NBEA: variants seen among roughly 807,000 people sequenced by gnomAD.
The protein encoded by NBEA is lysosomal-trafficking regulator 2.
In NBEA, 44 loss-of-function variants were observed where a neutral mutation model predicts 343.4. The observed-to-expected ratio is 0.13, with a 90% confidence interval of 0.10 to 0.16. The LOEUF (loss-of-function observed/expected upper bound fraction) is 0.16, where lower values mean the gene tolerates loss of function less well. NBEA is among the 10% of genes least tolerant of loss of function. The pLI is 1.00. For synonymous variants in NBEA, 1,175 were observed against 1,238.7 expected (o/e 0.95, Z 1.08); for missense variants, 2,555 against 3,631.3 (o/e 0.70, Z 7.62).
chr13:35,481,725 G>A (rs1160524625), intron 41 of NBEA, among the ~76,000 whole-genome samples: 4 of 151,736 alleles, frequency 2.6e-5, no homozygotes, highest in East Asian at 3.9e-4. Context: ...ATTCAGACAG[G>A]ATAAATGGGC....
intron 38 of NBEA, among the ~76,000 whole-genome samples, chr13:35,411,973 T>A (rs1043119397): frequency 2.0e-5 from 3 of 152,150 alleles, no homozygotes; most frequent in African/African-American, 7.2e-5. Context: ...TTAGTTCAGT[T>A]GTAGCAGCAC....
chr13:34,973,078 A>G (rs2060050688), intron 1 of NBEA, among the ~76,000 whole-genome samples: 1 of 151,942 alleles, frequency 6.6e-6, no homozygotes, highest in South Asian at 2.1e-4. Flanking sequence ...GGTCCACTGC[A>G]GTCCTTAGTC....
At chr13:34,965,200 C>G (rs1298481521) in intron 1 of NBEA, among the ~76,000 whole-genome samples, 2 of 151,928 alleles carry the variant, frequency 1.3e-5, no homozygotes, top group Non-Finnish European at 2.9e-5. Flanking sequence ...ATGCCCAACT[C>G]TGAGGACAGA....
At chr13:35,275,719 G>A (rs1021251608) in intron 34 of NBEA, among the ~76,000 whole-genome samples, 1 of 152,140 alleles carries the variant, frequency 6.6e-6, no homozygotes, top group Admixed American at 6.6e-5. Context: ...TTTCTCAAAA[G>A]AAGACATTTA....
In NBEA at chr13:35,041,028, A is replaced by C. The variant is rs1407565584; in HGVS notation, c.390A>C (p.Val130=). The change falls in exon 2 of 59, where the codon GTA becomes GTC. Residue 130 remains valine, a synonymous_variant. Transcript: ENST00000379939. ...CAGAGCTTTTGGAGCACTGTGATGT[A>C]ACATGTCAAGCAGAAATATGGAGCA... is the stretch of plus-strand genomic sequence containing the variant. The part of the protein sequence containing the change: ...CMTELLEHCD[V]TCQAEIWSMF... 1.2e-6 allele frequency: 2 copies of C among 1,613,250 alleles called. No homozygotes were observed. Among genetic ancestry groups the C allele is most frequent in the Admixed American group, 1.7e-5 (1 of 59,956 alleles).
At chr13:35,545,727 G>A (rs2079030653) in intron 41 of NBEA, among the ~76,000 whole-genome samples, 1 of 152,140 alleles carries the variant, frequency 6.6e-6, no homozygotes, top group Admixed American at 6.5e-5. Context: ...TAACTCCTCT[G>A]GAGTCAAGGA....
chr13:35,221,295 G>T (rs760471954), intron 33 of NBEA, among the ~76,000 whole-genome samples: 19 of 150,716 alleles, frequency 1.3e-4, no homozygotes, highest in Non-Finnish European at 2.2e-4. Flanking sequence ...AGTGAGCTGA[G>T]ATTGTGCCAT....
intron 1 of NBEA, among the ~76,000 whole-genome samples, chr13:35,012,722 G>T (rs1321591911): frequency 6.6e-6 from 1 of 152,122 alleles, no homozygotes; most frequent in Non-Finnish European, 1.5e-5. Flanking sequence ...TAAAACAATG[G>T]TTATATAGTC....
chr13:35,552,928 T>C (rs1378343489), intron 43 of NBEA, among the ~76,000 whole-genome samples: 1 of 152,066 alleles, frequency 6.6e-6, no homozygotes, highest in East Asian at 1.9e-4. Flanking sequence ...TCTCACTCTG[T>C]CACCCAGGCT....
intron 36 of NBEA, among the ~76,000 whole-genome samples, chr13:35,340,018 A>G (rs1467721611): frequency 6.6e-6 from 1 of 152,120 alleles, no homozygotes; most frequent in Non-Finnish European, 1.5e-5. Flanking sequence ...ACACTTGTAC[A>G]TTGTTGGTGG....
intron 28 of NBEA, among the ~76,000 whole-genome samples, chr13:35,179,012 T>A (rs2071119777): frequency 6.6e-6 from 1 of 151,698 alleles, no homozygotes; most frequent in Non-Finnish European, 1.5e-5. Context: ...ACATAGTGTT[T>A]AAATTGTTAG....
At chr13:35,028,357 G>T (rs1045711427) in intron 1 of NBEA, among the ~76,000 whole-genome samples, 1 of 151,778 alleles carries the variant, frequency 6.6e-6, no homozygotes, top group Non-Finnish European at 1.5e-5. Flanking sequence ...TTGTTGTTAA[G>T]AATGATAGTC....
chr13:35,513,048 C>G (rs2077341681), intron 41 of NBEA, among the ~76,000 whole-genome samples: 1 of 151,728 alleles, frequency 6.6e-6, no homozygotes, highest in African/African-American at 2.4e-5. Flanking sequence ...AAATTTATTT[C>G]TAGCTTTAGT....
chr13:35,566,228 G>A (rs2080129709), intron 44 of NBEA, among the ~76,000 whole-genome samples: 1 of 152,134 alleles, frequency 6.6e-6, no homozygotes, highest in Non-Finnish European at 1.5e-5. Context: ...AGGTGCGGTG[G>A]CGCGTGCCTG....
chr13:35,586,163 T>A (rs1272225885), intron 46 of NBEA, among the ~76,000 whole-genome samples: 1 of 152,170 alleles, frequency 6.6e-6, no homozygotes, highest in Non-Finnish European at 1.5e-5. Context: ...TGAAACTGCA[T>A]CTCCTGTCTT....
At chr13:35,003,247 GGT>G (rs1465964308) in intron 1 of NBEA, among the ~76,000 whole-genome samples, 1 of 152,130 alleles carries the variant, frequency 6.6e-6, no homozygotes, top group African/African-American at 2.4e-5. Context: ...CCTGTGTGCT[GGT>G]GTGTGCCTGT....
At chr13:35,336,238 C>G (rs1240975439) in intron 36 of NBEA, among the ~76,000 whole-genome samples, 1 of 151,944 alleles carries the variant, frequency 6.6e-6, no homozygotes, top group Non-Finnish European at 1.5e-5. Context: ...TCAAGAATTG[C>G]CATATTATAA....
intron 28 of NBEA, among the ~76,000 whole-genome samples, chr13:35,181,043 T>C (rs2071280674): frequency 6.6e-6 from 1 of 151,872 alleles, no homozygotes; most frequent in Non-Finnish European, 1.5e-5. Flanking sequence ...AGTGTATATA[T>C]ATACCACAGT....
At chr13:35,643,758 C>T (rs763020123) in intron 49 of NBEA, among the ~76,000 whole-genome samples, 1 of 152,160 alleles carries the variant, frequency 6.6e-6, no homozygotes, top group Admixed American at 6.5e-5. Flanking sequence ...GGTTAGCATT[C>T]GGGGAGGATT....
Sources: allele counts gnomAD v4.1 joint callset (sites outside exome capture counted in the v4.1 genomes callset), GRCh38; gene constraint gnomAD v4.1.1; transcripts MANE v1.5; gene names NCBI Gene and HGNC (gene_info 2026-07-23, HGNC 2026-07-21).